The following NTRK2 variants were observed in gnomAD, a reference collection of about 807,000 sequenced individuals.
NTRK2 encodes the protein neurotrophic receptor tyrosine kinase 2.
NTRK2 carries 13 observed loss-of-function variants against 94.5 expected under a neutral mutation model. That is an observed-to-expected ratio of 0.14 (90% CI 0.09 to 0.22). NTRK2 has a LOEUF of 0.22. Among genes scored for constraint, NTRK2 ranks in the 10% least tolerant of loss-of-function variants. The pLI is 1.00. For missense variants in NTRK2, 639 were observed against 1,071.2 expected (o/e 0.60, Z 5.63); for synonymous variants, 372 against 407.4 (o/e 0.91, Z 1.05).
At chr9:84,872,692 G>A in intron 14 of NTRK2, 1 of 1,064,528 alleles carries the variant, frequency 9.4e-7, no homozygotes, top group Non-Finnish European at 1.1e-6. Context: ...AGCTATTATA[G>A]TTAATGTGTG....
intron 2 of NTRK2, among the ~76,000 whole-genome samples, chr9:84,695,761 T>A (rs1345226498): frequency 1.3e-5 from 2 of 152,232 alleles, no homozygotes; most frequent in Admixed American, 1.3e-4. Context: ...TATAAACAAA[T>A]ATATATTTCC....
chr9:84,821,629 G>A (rs1161645227), intron 12 of NTRK2, among the ~76,000 whole-genome samples: 1 of 152,114 alleles, frequency 6.6e-6, no homozygotes, highest in African/African-American at 2.4e-5. Context: ...TTTCAAACTT[G>A]GCAAAATTTC....
At chr9:84,763,600 G>T (rs1479172577) in intron 12 of NTRK2, among the ~76,000 whole-genome samples, 1 of 151,958 alleles carries the variant, frequency 6.6e-6, no homozygotes, top group Admixed American at 6.6e-5. Flanking sequence ...TACATTGACA[G>T]TATCATGTTC....
intron 11 of NTRK2, among the ~76,000 whole-genome samples, chr9:84,746,416 C>T (rs1249336489): frequency 1.3e-5 from 2 of 152,174 alleles, no homozygotes; most frequent in African/African-American, 4.8e-5. Flanking sequence ...GTTGTTCTTT[C>T]CTGCATGACC....
intron 2 of NTRK2, among the ~76,000 whole-genome samples, chr9:84,701,430 C>T (rs956931202): frequency 3.9e-5 from 6 of 152,042 alleles, no homozygotes; most frequent in Non-Finnish European, 8.8e-5. Flanking sequence ...GAAGACTCCT[C>T]TTAGTGTAAT....
At chr9:84,809,444 A>C (rs1461685660) in intron 12 of NTRK2, among the ~76,000 whole-genome samples, 3 of 148,726 alleles carry the variant, frequency 2.0e-5, no homozygotes, top group Non-Finnish European at 4.5e-5. Context: ...TATATGTCTT[A>C]TAGATATAAT....
intron 17 of NTRK2, among the ~76,000 whole-genome samples, chr9:84,996,062 T>G (rs1314913173): frequency 6.6e-6 from 1 of 152,234 alleles, no homozygotes; most frequent in Non-Finnish European, 1.5e-5. Flanking sequence ...CAAAGAGCAC[T>G]TTTTATATTG....
intron 17 of NTRK2, among the ~76,000 whole-genome samples, chr9:84,989,377 G>A (rs1828764640): frequency 6.6e-6 from 1 of 151,930 alleles, no homozygotes; most frequent in African/African-American, 2.4e-5. Flanking sequence ...GATATTTATG[G>A]AATGTCTATT....
At chr9:84,825,159 T>C (rs1391623722) in intron 12 of NTRK2, among the ~76,000 whole-genome samples, 1 of 151,964 alleles carries the variant, frequency 6.6e-6, no homozygotes, top group Non-Finnish European at 1.5e-5. Context: ...CAAGTCTTCC[T>C]CACCCAAATC....
intron 12 of NTRK2, chr9:84,815,339 AGAAAG>A: frequency 3.8e-6 from 4 of 1,047,144 alleles, no homozygotes; most frequent in Non-Finnish European, 4.6e-6. Context: ...AAAAGCAAAA[AGAAAG>A]GAACAGAGAT....
chr9:84,874,009 G>GTTTCTAGAA, intron 14 of NTRK2: 2 of 1,064,134 alleles, frequency 1.9e-6, no homozygotes, highest in Non-Finnish European at 2.3e-6. Flanking sequence ...TTTCACCAAA[G>GTTTCTAGAA]CATCAGTGAT....
At position 84,697,394 on chromosome 9, in the gene NTRK2, T is replaced by G. The variant is rs184034409; in HGVS notation, c.213-4765T>G. 1.3e-4 allele frequency among the ~76,000 whole-genome samples: 20 copies of G among 152,308 alleles called. No individual in the cohort carries two copies. In the East Asian group the frequency reaches 3.9e-3, roughly 29 times the overall value. On this transcript the variant is annotated intron_variant, in intron 2 of 18. Transcript: ENST00000277120. ...TTTGAGGTTGTCATGGAGAGAAATC[T>G]CCTGGTTGGGGTGTGTGCCACAATT...
At chr9:84,793,034 G>T (rs554056343) in intron 12 of NTRK2, among the ~76,000 whole-genome samples, 1 of 152,264 alleles carries the variant, frequency 6.6e-6, no homozygotes, top group Admixed American at 6.5e-5. Context: ...AGTTTCACTT[G>T]CTCAAGGCTG....
chr9:84,820,925 A>G (rs2072773540), intron 12 of NTRK2, among the ~76,000 whole-genome samples: 1 of 152,222 alleles, frequency 6.6e-6, no homozygotes, highest in Non-Finnish European at 1.5e-5. Context: ...GTCTGCCTAT[A>G]AAATCTCTGC....
chr9:84,671,087 C>A, intron 2 of NTRK2, 127 bp downstream of exon 2: 2 of 861,152 alleles, frequency 2.3e-6, no homozygotes, highest in Admixed American at 4.0e-5. Context: ...GGATGCAGGA[C>A]AGGGTCATCT....
chr9:84,893,455 A>G (rs1413812546), intron 14 of NTRK2, among the ~76,000 whole-genome samples: 1 of 152,140 alleles, frequency 6.6e-6, no homozygotes, highest in Non-Finnish European at 1.5e-5. Flanking sequence ...CTGCCCAGAA[A>G]TTTTGGAGCA....
chr9:84,952,040 G>A (rs547502073), intron 16 of NTRK2, among the ~76,000 whole-genome samples: 27 of 152,270 alleles, frequency 1.8e-4, no homozygotes, highest in African/African-American at 5.1e-4. Context: ...CAGAGTTGCC[G>A]TCTAATGAGG....
intron 10 of NTRK2, 132 bp downstream of exon 10, chr9:84,742,059 A>G: frequency 2.6e-6 from 2 of 774,768 alleles, no homozygotes. Flanking sequence ...CCAAAATAGT[A>G]TTTCAAAAAA....
intron 13 of NTRK2, among the ~76,000 whole-genome samples, chr9:84,861,822 C>T (rs1208897396): frequency 2.6e-5 from 4 of 152,104 alleles, no homozygotes; most frequent in Non-Finnish European, 4.4e-5. Context: ...CCATCTTGGG[C>T]ATCTGTTGGT....
Sources: allele counts gnomAD v4.1 joint callset (sites outside exome capture counted in the v4.1 genomes callset), GRCh38; gene constraint gnomAD v4.1.1; transcripts MANE v1.5; gene names NCBI Gene and HGNC (gene_info 2026-07-23, HGNC 2026-07-21).